IMMP2L: variants seen among roughly 807,000 people sequenced by gnomAD.
IMMP2L encodes mitochondrial inner membrane protease subunit 2.
IMMP2L carries 18 observed loss-of-function variants against 19.3 expected under a neutral mutation model. That is an observed-to-expected ratio of 0.93 (90% CI 0.64 to 1.38). The LOEUF is 1.38. Among genes scored for constraint, IMMP2L ranks in the 40% most tolerant of loss-of-function variants. The pLI is 0.00. For synonymous variants in IMMP2L, 76 were observed against 73.0 expected (o/e 1.04, Z -0.21); for missense variants, 233 against 218.2 (o/e 1.07, Z -0.43).
intron 5 of IMMP2L, among the ~76,000 whole-genome samples, chr7:110,778,157 C>T (rs1200354196): frequency 6.6e-6 from 1 of 151,862 alleles, no homozygotes. Context: ...GTGAAGAAAT[C>T]TAATGGACAG....
chr7:111,203,751 CAAA>C (rs2129616450), intron 3 of IMMP2L, among the ~76,000 whole-genome samples: 2 of 150,682 alleles, frequency 1.3e-5, no homozygotes, highest in African/African-American at 4.9e-5. Context: ...ATCAAAAAAA[CAAA>C]AAAGATCCTC....
Position 111,165,842 on chromosome 7 carries a change from C to A in IMMP2L, c.240-202277G>T, listed in dbSNP as rs189322548. On this transcript the variant is annotated intron_variant, in intron 3 of 5. Coordinates refer to ENST00000405709, the MANE Select transcript of IMMP2L (RefSeq NM_032549.4). ...GCTCTGCCTTCTACCATTTGAAGGC[C>A]AAGCCCCCGGCAAGTTATCAGGATT... 5.9e-5 allele frequency among the ~76,000 whole-genome samples: 9 copies of A among 152,020 alleles called. No individual in the cohort carries two copies. In the East Asian group the frequency reaches 1.4e-3, roughly 23 times the overall value.
intron 3 of IMMP2L, among the ~76,000 whole-genome samples, chr7:111,249,862 C>T (rs1029444648): frequency 6.6e-6 from 1 of 152,180 alleles, no homozygotes. Context: ...AGGATGACCT[C>T]TTTCAACATT....
At position 110,962,751 on chromosome 7, in the gene IMMP2L, G is replaced by C. The variant is rs140649768; in HGVS notation, c.305+749C>G. On this transcript the variant is annotated intron_variant, in intron 4 of 5. Coordinates refer to ENST00000405709, the MANE Select transcript of IMMP2L (RefSeq NM_032549.4). ...ATTTCAGTGAGATTAGTTAATATGTGTACTATCATTAATACAAATACTTTA... is the reference window on the plus strand; with the variant it reads ...ATTTCAGTGAGATTAGTTAATATGTCTACTATCATTAATACAAATACTTTA... The C allele has an allele frequency of 5.0e-4, 534 of 1,078,784 alleles. 11 individuals are homozygous for C. In the East Asian group the frequency reaches 0.025, roughly 50 times the overall value. The allele number at this position is 1,078,784 out of a possible 1,614,324, so 66.8% of individuals were successfully genotyped here. A position where few individuals can be genotyped will look rare whatever the true frequency, so the allele number is the denominator to read the frequency against.
chr7:110,916,356 T>C (rs954581998), intron 4 of IMMP2L, among the ~76,000 whole-genome samples: 7 of 152,182 alleles, frequency 4.6e-5, no homozygotes, highest in Non-Finnish European at 8.8e-5. Flanking sequence ...TTGTCTACTT[T>C]TTCTGTTCCA....
chr7:111,332,091 T>C (rs1825936778), intron 3 of IMMP2L, among the ~76,000 whole-genome samples: 1 of 151,990 alleles, frequency 6.6e-6, no homozygotes, highest in African/African-American at 2.4e-5. Flanking sequence ...TTTATAGGCA[T>C]GAGGCAGGAA....
chr7:111,427,048 T>C (rs1249423890), intron 3 of IMMP2L, among the ~76,000 whole-genome samples: 2 of 151,108 alleles, frequency 1.3e-5, no homozygotes, highest in Non-Finnish European at 3.0e-5. Context: ...TGATAATTTT[T>C]CATTTGCTCC....
At chr7:111,556,812 T>C (rs1279464801) in intron 1 of IMMP2L, among the ~76,000 whole-genome samples, 7 of 152,140 alleles carry the variant, frequency 4.6e-5, no homozygotes, top group South Asian at 4.2e-4. Context: ...ACTCTCCATA[T>C]GGTAAGAACA....
chr7:111,518,773 C>A (rs549670086), intron 2 of IMMP2L, among the ~76,000 whole-genome samples: 1 of 152,080 alleles, frequency 6.6e-6, no homozygotes, highest in East Asian at 1.9e-4. Context: ...TCTATTATAC[C>A]TAGAGTTGGT....
At chr7:111,417,798 C>T (rs1835094313) in intron 3 of IMMP2L, among the ~76,000 whole-genome samples, 2 of 151,830 alleles carry the variant, frequency 1.3e-5, no homozygotes, top group South Asian at 4.1e-4. Flanking sequence ...AGTGCATATA[C>T]AATTATAAAT....
chr7:111,266,451 G>A (rs983339232), intron 3 of IMMP2L, among the ~76,000 whole-genome samples: 13 of 151,120 alleles, frequency 8.6e-5, no homozygotes, highest in Non-Finnish European at 1.9e-4. Context: ...GCTGAGACAG[G>A]AGAATCGCTT....
At chr7:111,191,874 C>T (rs2129613190) in intron 3 of IMMP2L, among the ~76,000 whole-genome samples, 1 of 152,170 alleles carries the variant, frequency 6.6e-6, no homozygotes, top group African/African-American at 2.4e-5. Context: ...CAAAAGAAAG[C>T]TACTTGGTTC....
intron 3 of IMMP2L, among the ~76,000 whole-genome samples, chr7:111,052,238 C>G (rs1225270056): frequency 6.6e-6 from 1 of 152,172 alleles, no homozygotes; most frequent in Non-Finnish European, 1.5e-5. Context: ...CTTTCCCTTT[C>G]CAGGTCTTTT....
intron 5 of IMMP2L, among the ~76,000 whole-genome samples, chr7:110,847,155 C>T (rs1239297323): frequency 6.6e-6 from 1 of 152,102 alleles, no homozygotes; most frequent in South Asian, 2.1e-4. Context: ...TTAAATTATG[C>T]TGATTTAAAA....
intron 3 of IMMP2L, among the ~76,000 whole-genome samples, chr7:111,369,635 T>C (rs1442193671): frequency 6.6e-6 from 1 of 151,908 alleles, no homozygotes; most frequent in African/African-American, 2.4e-5. Context: ...AACAAAGCCA[T>C]TTTCAAAAGC....
At chr7:111,280,488 G>T (rs1320841303) in intron 3 of IMMP2L, among the ~76,000 whole-genome samples, 2 of 152,122 alleles carry the variant, frequency 1.3e-5, no homozygotes, top group Non-Finnish European at 2.9e-5. Flanking sequence ...AGAACAGAAG[G>T]CCCAAGGAGG....
intron 5 of IMMP2L, among the ~76,000 whole-genome samples, chr7:110,666,445 T>C (rs184769319): frequency 1.3e-5 from 2 of 152,154 alleles, no homozygotes; most frequent in African/African-American, 4.8e-5. Flanking sequence ...CGGCTAATTT[T>C]TTGTATTTTT....
chr7:111,413,141 C>G (rs1013408272), intron 3 of IMMP2L, among the ~76,000 whole-genome samples: 1 of 151,990 alleles, frequency 6.6e-6, no homozygotes, highest in Admixed American at 6.6e-5. Flanking sequence ...ATTAAATGAA[C>G]CAATTGATTA....
In IMMP2L at chr7:110,916,835, T is replaced by A. The variant is rs1813666535; in HGVS notation, c.306-30140A>T. Among the ~76,000 whole-genome samples the A allele has an allele frequency of 2.6e-5, 4 of 152,304 alleles. No individual in the cohort carries two copies. In the South Asian group the frequency reaches 8.3e-4, roughly 32 times the overall value. On this transcript the variant is annotated intron_variant, in intron 4 of 5. Transcript: ENST00000405709. ...TCTATATTTGAAATATTATAGTTGGTGATACATTAATGGTTCTCAAAACAT... is the reference window on the plus strand; with the variant it reads ...TCTATATTTGAAATATTATAGTTGGAGATACATTAATGGTTCTCAAAACAT...
Sources: gnomAD v4.1 joint callset for allele counts (sites outside exome capture counted in the v4.1 genomes callset) on GRCh38, gnomAD v4.1.1 for gene constraint, MANE v1.5 for transcripts, NCBI Gene and HGNC (gene_info 2026-07-23, HGNC 2026-07-21) for gene names.